The following ZSWIM6 variants were observed in gnomAD, a reference collection of about 807,000 sequenced individuals.
ZSWIM6 encodes zinc finger SWIM domain-containing protein 6.
ZSWIM6 carries 9 observed loss-of-function variants against 113.2 expected under a neutral mutation model. That is an observed-to-expected ratio of 0.08 (90% CI 0.05 to 0.14). The LOEUF (loss-of-function observed/expected upper bound fraction) is 0.14, where lower values mean the gene tolerates loss of function less well. Among genes scored for constraint, ZSWIM6 ranks in the 10% least tolerant of loss-of-function variants. The pLI, the probability that ZSWIM6 is intolerant of heterozygous loss-of-function variation, is 1.00. For missense variants in ZSWIM6, 1,162 were observed against 1,552.2 expected, an observed-to-expected ratio of 0.75 and a Z score of 4.22; for synonymous variants, 611 against 606.5, an observed-to-expected ratio of 1.01 and a Z score of -0.11.
chr5:61,470,215 A>G (rs1329323512), intron 1 of ZSWIM6, among the ~76,000 whole-genome samples: 1 of 152,182 alleles, frequency 6.6e-6, no homozygotes, highest in East Asian at 1.9e-4. Context: ...TGGTGAAGAG[A>G]GATGTGATAG....
intron 5 of ZSWIM6, among the ~76,000 whole-genome samples, chr5:61,523,889 T>A (rs746744123): frequency 6.6e-6 from 1 of 152,210 alleles, no homozygotes; most frequent in African/African-American, 2.4e-5. Flanking sequence ...ACTTATATAG[T>A]CACATATAAA....
chr5:61,452,512 GT>G (rs1365912859), intron 1 of ZSWIM6, among the ~76,000 whole-genome samples: 2 of 152,168 alleles, frequency 1.3e-5, no homozygotes, highest in African/African-American at 2.4e-5. Flanking sequence ...CCCTGCAGAT[GT>G]TTGTGGCTTA....
intron 1 of ZSWIM6, among the ~76,000 whole-genome samples, chr5:61,447,854 A>G (rs556799280): frequency 3.9e-5 from 6 of 152,318 alleles, no homozygotes; most frequent in South Asian, 2.1e-4. Flanking sequence ...TCTCAAATCT[A>G]TCTCCCTGAT....
At chr5:61,536,198 G>A (rs960751592) in intron 10 of ZSWIM6, among the ~76,000 whole-genome samples, 12 of 152,100 alleles carry the variant, frequency 7.9e-5, no homozygotes, top group Middle Eastern at 3.2e-3. Context: ...TCTCCTCATC[G>A]GTCTCTCCTT....
At chr5:61,530,307 C>A in intron 8 of ZSWIM6, 109 bp downstream of exon 8, 1 of 1,157,862 alleles carries the variant, frequency 8.6e-7, no homozygotes, top group Non-Finnish European at 1.2e-6. Flanking sequence ...TAGTTAACAG[C>A]ACCTTTGGTT....
In ZSWIM6 at chr5:61,332,320, C is replaced by T; in HGVS notation, c.48C>T (p.Cys16=). 2.6e-6 allele frequency: 3 copies of T among 1,159,476 alleles called. No homozygotes were observed. Among genetic ancestry groups the T allele is most frequent in the Non-Finnish European group, 3.2e-6 (3 of 942,850 alleles). The allele number at this position is 1,159,476 out of a possible 1,614,324, so 71.8% of individuals were successfully genotyped here. A position where few individuals can be genotyped will look rare whatever the true frequency, so the allele number is the denominator to read the frequency against. ...CTCCTCCCGCGAAACGGCTTTGCTG[C>T]CGGCCGGGCGGCGGCGGCGGCGGCG... ...QQPPPAKRLC[C]RPGGGGGGGG... The change falls in exon 1 of 14, where the codon TGC becomes TGT. Residue 16 remains cysteine (C), a synonymous_variant. Transcript: ENST00000252744.
At chr5:61,389,554 C>CAAA (rs60533774) in intron 1 of ZSWIM6, among the ~76,000 whole-genome samples, 1,862 of 50,746 alleles carry the variant, frequency 0.037, 135 homozygotes, top group African/African-American at 0.12. Context: ...GACTCAGTCT[C>CAAA]AAAAAAAAAA....
intron 4 of ZSWIM6, among the ~76,000 whole-genome samples, chr5:61,521,031 G>A (rs975317588): frequency 6.6e-6 from 1 of 151,744 alleles, no homozygotes; most frequent in South Asian, 2.1e-4. Context: ...ACTCTCTGTG[G>A]GATTTGTGGC....
chr5:61,442,854 G>T (rs1284922291), intron 1 of ZSWIM6, among the ~76,000 whole-genome samples: 1 of 152,142 alleles, frequency 6.6e-6, no homozygotes, highest in Non-Finnish European at 1.5e-5. Context: ...ATTTATAAGA[G>T]TATACTCTAC....
intron 1 of ZSWIM6, among the ~76,000 whole-genome samples, chr5:61,390,487 A>G (rs1308345036): frequency 6.6e-6 from 1 of 152,086 alleles, no homozygotes; most frequent in African/African-American, 2.4e-5. Flanking sequence ...GTAAGTTCTC[A>G]TTTGCTTGTA....
intron 4 of ZSWIM6, among the ~76,000 whole-genome samples, chr5:61,494,812 G>C (rs1748275664): frequency 6.6e-6 from 1 of 152,046 alleles, no homozygotes; most frequent in South Asian, 2.1e-4. Context: ...ATTAAAATTA[G>C]TTGGATATTC....
chr5:61,370,142 A>C (rs1251802093), intron 1 of ZSWIM6, among the ~76,000 whole-genome samples: 1 of 152,246 alleles, frequency 6.6e-6, no homozygotes, highest in East Asian at 1.9e-4. Flanking sequence ...AAATTATGAA[A>C]CATCCTTATC....
At chr5:61,480,688 A>T (rs1311522297) in intron 2 of ZSWIM6, among the ~76,000 whole-genome samples, 3 of 152,216 alleles carry the variant, frequency 2.0e-5, no homozygotes, top group African/African-American at 7.2e-5. Context: ...AAGTATGTTT[A>T]TTGAGTGTAC....
intron 1 of ZSWIM6, among the ~76,000 whole-genome samples, chr5:61,352,564 G>GAAAAATAC (rs1744814254): frequency 6.6e-6 from 1 of 152,188 alleles, no homozygotes; most frequent in Non-Finnish European, 1.5e-5. Context: ...ATGCCAGTTT[G>GAAAAATAC]AAAAATACAG....
chr5:61,450,430 C>G (rs1747062267), intron 1 of ZSWIM6, among the ~76,000 whole-genome samples: 1 of 152,086 alleles, frequency 6.6e-6, no homozygotes, highest in African/African-American at 2.4e-5. Context: ...GAGACTCTTG[C>G]TTTAAATGAT....
intron 8 of ZSWIM6, 48 bp downstream of exon 8, chr5:61,530,246 T>G: frequency 6.6e-7 from 1 of 1,504,076 alleles, no homozygotes; most frequent in African/African-American, 1.4e-5. Flanking sequence ...TTCTAAACCC[T>G]GAATGGCAGT....
chr5:61,464,856 G>C (rs1168424125), intron 1 of ZSWIM6, among the ~76,000 whole-genome samples: 1 of 152,222 alleles, frequency 6.6e-6, no homozygotes, highest in Non-Finnish European at 1.5e-5. Context: ...TTTACACCCG[G>C]TCCTTGGGAG....
At chr5:61,509,216 A>G (rs1453522279) in intron 4 of ZSWIM6, among the ~76,000 whole-genome samples, 1 of 152,146 alleles carries the variant, frequency 6.6e-6, no homozygotes, top group African/African-American at 2.4e-5. Context: ...ATAATATTTC[A>G]TTTGCAGTAA....
chr5:61,496,840 T>C (rs1748329229), intron 4 of ZSWIM6, among the ~76,000 whole-genome samples: 1 of 152,144 alleles, frequency 6.6e-6, no homozygotes, highest in African/African-American at 2.4e-5. Context: ...TAGCAAAAGC[T>C]AAGTGACAAA....
Sources: gnomAD v4.1 joint callset for allele counts (sites outside exome capture counted in the v4.1 genomes callset) on GRCh38, gnomAD v4.1.1 for gene constraint, MANE v1.5 for transcripts, NCBI Gene and HGNC (gene_info 2026-07-23, HGNC 2026-07-21) for gene names.